LIPA: variants seen among roughly 807,000 people sequenced by gnomAD.
The protein encoded by LIPA is lysosomal acid lipase/cholesteryl ester hydrolase.
Under a neutral mutation model 40.6 loss-of-function variants are expected in LIPA, and 26 were observed. That is an observed-to-expected ratio of 0.64 (90% confidence interval 0.47 to 0.89). The LOEUF is 0.89. Ranked by LOEUF, LIPA falls within the 40% of genes least tolerant of loss-of-function variation. LIPA has a pLI of 0.00. For missense variants in LIPA, 455 were observed against 479.6 expected, an observed-to-expected ratio of 0.95 and a Z score of 0.48; for synonymous variants, 188 against 168.4, an observed-to-expected ratio of 1.12 and a Z score of -0.90.
intron 2 of LIPA, among the ~76,000 whole-genome samples, chr10:89,348,353 A>G (rs1843937470): frequency 6.6e-6 from 1 of 152,230 alleles, no homozygotes; most frequent in Admixed American, 6.5e-5. Context: ...CAGCAATCAT[A>G]TATTTTTGTT....
chr10:89,404,026 A>C, intron 2 of LIPA: 1 of 205,392 alleles, frequency 4.9e-6, no homozygotes, highest in Non-Finnish European at 9.6e-6. Context: ...ATAAAAATAA[A>C]ATCCTTAGCT....
At chr10:89,247,045 G>A (rs903707173) in intron 2 of LIPA, among the ~76,000 whole-genome samples, 4 of 152,044 alleles carry the variant, frequency 2.6e-5, no homozygotes, top group African/African-American at 9.7e-5. Flanking sequence ...ATATTACCTG[G>A]TGAGAAAAGC....
At position 89,373,890 on chromosome 10, in the gene LIPA, T is replaced by C. The variant is rs144641879; in HGVS notation, c.61+38901A>G. On this transcript the variant is annotated intron_variant, in intron 2 of 8. Transcript: ENST00000371837. ...GAGGATGCCACTGTAACAGACCATA[T>C]CCTGAGTAGCAAAAATCTAGTCTAG... 2.9e-3 allele frequency among the ~76,000 whole-genome samples: 444 copies of C among 152,278 alleles called. 3 individuals are homozygous for C. The highest frequency in any genetic ancestry group is 0.01 in the African/African-American group (419 of 41,552).
intron 1 of LIPA, among the ~76,000 whole-genome samples, chr10:89,286,005 T>C (rs1316233861): frequency 6.6e-6 from 1 of 152,100 alleles, no homozygotes; most frequent in Non-Finnish European, 1.5e-5. Flanking sequence ...AAAACCCAAA[T>C]GCCTTATTTT....
At position 89,358,526 on chromosome 10, in the gene LIPA, A is replaced by G. The variant is rs563125233; in HGVS notation, c.61+54265T>C. 2.8e-4 allele frequency among the ~76,000 whole-genome samples: 43 copies of G among 152,348 alleles called. No individual in the cohort carries two copies. The South Asian group carries it at 8.5e-3, about 30-fold the overall frequency. ...AATAGCCAAGATATAAAAACAAACT[A>G]AGTGTCCATCAGTGGATGAATAAAG... On this transcript the variant is annotated intron_variant, in intron 2 of 8. Transcript: ENST00000371837.
At chr10:89,222,056 TATTCCAAGC>T (rs1474653207) in intron 8 of LIPA, among the ~76,000 whole-genome samples, 1 of 152,244 alleles carries the variant, frequency 6.6e-6, no homozygotes, top group African/African-American at 2.4e-5. Context: ...TATTCACTGC[TATTCCAAGC>T]ATATTGTGAT....
intron 2 of LIPA, chr10:89,412,719 C>T (rs974704180): frequency 4.6e-6 from 2 of 436,264 alleles, no homozygotes; most frequent in Non-Finnish European, 9.1e-6. Flanking sequence ...GACGCGCCAC[C>T]TTTAAGATCT....
At chr10:89,221,917 A>T (rs1842704202) in intron 8 of LIPA, among the ~76,000 whole-genome samples, 1 of 151,964 alleles carries the variant, frequency 6.6e-6, no homozygotes, top group Admixed American at 6.6e-5. Context: ...TTTTAAGATA[A>T]TTTTTTTCTA....
At chr10:89,373,602 G>A (rs913629530) in intron 2 of LIPA, among the ~76,000 whole-genome samples, 27 of 152,142 alleles carry the variant, frequency 1.8e-4, no homozygotes, top group African/African-American at 6.5e-4. Context: ...GGTATTGCAT[G>A]GATTATTAAG....
intron 2 of LIPA, among the ~76,000 whole-genome samples, chr10:89,409,852 A>G (rs1841456514): frequency 6.6e-6 from 1 of 152,232 alleles, no homozygotes; most frequent in African/African-American, 2.4e-5. Flanking sequence ...GGAGGGATAT[A>G]TTAGCCAAAG....
intron 2 of LIPA, among the ~76,000 whole-genome samples, chr10:89,378,689 T>G (rs1413402033): frequency 1.3e-5 from 2 of 152,152 alleles, no homozygotes; most frequent in African/African-American, 4.8e-5. Flanking sequence ...AGAGTCAGCT[T>G]CCAAGCACAG....
chr10:89,344,431 C>T (rs1374869659), upstream of LIPA, among the ~76,000 whole-genome samples: 1 of 152,070 alleles, frequency 6.6e-6, no homozygotes, highest in Non-Finnish European at 1.5e-5. Flanking sequence ...AAACCAGGAC[C>T]CATTCAGAGG....
chr10:89,218,668 G>A (rs529346350), intron 8 of LIPA, among the ~76,000 whole-genome samples: 1 of 152,292 alleles, frequency 6.6e-6, no homozygotes, highest in Non-Finnish European at 1.5e-5. Flanking sequence ...AGACATGGAG[G>A]TGACCGGGCT....
chr10:89,276,870 A>G (rs1443157199), intron 1 of LIPA, among the ~76,000 whole-genome samples: 1 of 152,202 alleles, frequency 6.6e-6, no homozygotes, highest in Non-Finnish European at 1.5e-5. Flanking sequence ...GGAAACTGCA[A>G]CAGAAATACT....
At chr10:89,365,213 T>A (rs956084389) in intron 2 of LIPA, among the ~76,000 whole-genome samples, 22 of 152,322 alleles carry the variant, frequency 1.4e-4, no homozygotes, top group Non-Finnish European at 2.9e-4. Flanking sequence ...GGCCTCTCCT[T>A]GAATTCCTTA....
intron 1 of LIPA, among the ~76,000 whole-genome samples, chr10:89,271,289 G>A (rs1589584698): frequency 1.3e-5 from 2 of 152,216 alleles, no homozygotes; most frequent in East Asian, 3.8e-4. Flanking sequence ...GAAGGACAGT[G>A]GTTATGGGAC....
rs554130648 is a variant in LIPA at position 89,249,199 on chromosome 10, T to A, written c.-1-1550A>T. ...TTCAAAAGAAACAGAAAGGAAAAAT[T>A]TGACCCGTCTCTCTCCTTCTGAAAT... is the stretch of plus-strand genomic sequence containing the variant. On this transcript the variant is annotated intron_variant, in intron 1 of 9. Transcript: ENST00000336233. Among the ~76,000 whole-genome samples the A allele has an allele frequency of 1.3e-4, 20 of 152,322 alleles. 1 individual carries two copies. In the South Asian group the frequency reaches 4.1e-3, roughly 32 times the overall value.
chr10:89,410,487 T>C (rs930051944), intron 2 of LIPA, among the ~76,000 whole-genome samples: 2 of 152,214 alleles, frequency 1.3e-5, no homozygotes, highest in African/African-American at 4.8e-5. Flanking sequence ...TGGAAGTTCA[T>C]TTATGGAGAA....
At chr10:89,262,011 G>T (rs73357802) in intron 1 of LIPA, among the ~76,000 whole-genome samples, 1,599 of 152,242 alleles carry the variant, frequency 0.011, 38 homozygotes, top group African/African-American at 0.036. Context: ...TATGTGATCT[G>T]TTTTTTTCCC....
Sources: allele counts gnomAD v4.1 joint callset (sites outside exome capture counted in the v4.1 genomes callset), GRCh38; gene constraint gnomAD v4.1.1; transcripts MANE v1.5; gene names NCBI Gene and HGNC (gene_info 2026-07-23, HGNC 2026-07-21).